TRMT11: variants seen among roughly 807,000 people sequenced by gnomAD.
TRMT11 encodes tRNA methyltransferase 11, also known as tRNA (guanine(10)-N(2))-methyltransferase TRMT11.
A neutral mutation model predicts 62.8 loss-of-function variants in TRMT11; 53 were observed. The observed-to-expected ratio is 0.84, with a 90% CI of 0.68 to 1.06. TRMT11 has a LOEUF of 1.06. Among genes scored for constraint, TRMT11 ranks in the 50% least tolerant of loss-of-function variants. The pLI is 0.00. For synonymous variants in TRMT11, 188 were observed against 190.3 expected, an observed-to-expected ratio of 0.99 and a Z score of 0.10; for missense variants, 556 against 553.4, an observed-to-expected ratio of 1.00 and a Z score of -0.05.
At chr6:126,255,458 C>G in the TRMT11 span, among the ~76,000 whole-genome samples, 1 of 152,132 alleles carries the variant, frequency 6.6e-6, no homozygotes, top group Non-Finnish European at 1.5e-5. Flanking sequence ...AGTCATCTGG[C>G]TTGGTATTTG....
chr6:126,124,718 A>C (rs1390163088), intron 21 of TRMT11, among the ~76,000 whole-genome samples: 1 of 152,108 alleles, frequency 6.6e-6, no homozygotes, highest in Non-Finnish European at 1.5e-5. Flanking sequence ...AGCCAAAGCC[A>C]GCCTAGATCA....
chr6:126,093,801 T>C (rs1430201210), intron 17 of TRMT11, among the ~76,000 whole-genome samples: 1 of 151,274 alleles, frequency 6.6e-6, no homozygotes, highest in East Asian at 1.9e-4. Context: ...GTATACACTC[T>C]AAAACTAGTA....
At chr6:126,242,946 A>C in the TRMT11 span, among the ~76,000 whole-genome samples, 1 of 152,226 alleles carries the variant, frequency 6.6e-6, no homozygotes, top group African/African-American at 2.4e-5. Flanking sequence ...GATCTAACTA[A>C]ACTAAAGAGC....
At chr6:126,084,859 C>T (rs1444677353) in intron 17 of TRMT11, among the ~76,000 whole-genome samples, 1 of 152,110 alleles carries the variant, frequency 6.6e-6, no homozygotes, top group Non-Finnish European at 1.5e-5. Context: ...ATTGCATGAT[C>T]TCTATGAGTC....
At chr6:126,112,479 T>TA (rs1777542663) in intron 17 of TRMT11, among the ~76,000 whole-genome samples, 2 of 152,262 alleles carry the variant, frequency 1.3e-5, no homozygotes, top group Non-Finnish European at 2.9e-5. Context: ...ATGGTAGAGA[T>TA]ATGAAGCTTC....
downstream of TRMT11, among the ~76,000 whole-genome samples, chr6:126,040,395 G>A (rs1775840300): frequency 6.6e-6 from 1 of 151,980 alleles, no homozygotes; most frequent in African/African-American, 2.4e-5. Flanking sequence ...ATGTCACTAG[G>A]CTCAGAGTAT....
the TRMT11 span, among the ~76,000 whole-genome samples, chr6:126,220,107 C>T: frequency 2.6e-5 from 4 of 152,138 alleles, no homozygotes; most frequent in African/African-American, 4.8e-5. Context: ...GAAGGGAAGA[C>T]GGATGATGGA....
intron 21 of TRMT11, among the ~76,000 whole-genome samples, chr6:126,148,921 A>C (rs183925758): frequency 6.6e-6 from 1 of 152,366 alleles, no homozygotes; most frequent in Non-Finnish European, 1.5e-5. Flanking sequence ...CCTCACCTGC[A>C]ACATGAGGAT....
rs149218244 is a variant in TRMT11 at position 126,165,134 on chromosome 6, T to C, written c.*1824-9691T>C. Among the ~76,000 whole-genome samples, 575 of 152,096 alleles carry C rather than the reference T, an allele frequency of 3.8e-3. 3 individuals carry two copies. The highest frequency in any genetic ancestry group is 0.013 in the African/African-American group (555 of 41,502). The stretch of plus-strand genomic sequence containing the variant: ...TCTACTAAAAATAAAGAAAATTAGC[T>C]GGGCGTAGTGGTGGGTGCCTATAAT... On this transcript the variant is annotated intron_variant and NMD_transcript_variant, in intron 21 of 22. Coordinates refer to the TRMT11 transcript ENST00000648977.
intron 21 of TRMT11, among the ~76,000 whole-genome samples, chr6:126,141,550 C>A (rs535369646): frequency 1.3e-5 from 2 of 152,074 alleles, no homozygotes; most frequent in African/African-American, 4.8e-5. Context: ...GTCCACCAAG[C>A]CTGGCAGGCC....
chr6:126,045,587 C>A (rs954858774), intron 16 of TRMT11, among the ~76,000 whole-genome samples: 3 of 152,116 alleles, frequency 2.0e-5, no homozygotes, highest in Non-Finnish European at 4.4e-5. Context: ...TGATAGTTAC[C>A]CAAATGGTTC....
chr6:126,165,618 C>T (rs1420325024), intron 21 of TRMT11, among the ~76,000 whole-genome samples: 2 of 152,204 alleles, frequency 1.3e-5, no homozygotes, highest in Non-Finnish European at 2.9e-5. Context: ...TCCCCACTCT[C>T]TTCTGGCTTC....
At chr6:126,070,480 C>T (rs1019969638) in intron 17 of TRMT11, among the ~76,000 whole-genome samples, 1 of 152,172 alleles carries the variant, frequency 6.6e-6, no homozygotes, top group Non-Finnish European at 1.5e-5. Context: ...ATCAGATGGA[C>T]TCATGAGATC....
At chr6:126,146,296 C>G (rs1271142550) in intron 21 of TRMT11, among the ~76,000 whole-genome samples, 1 of 152,162 alleles carries the variant, frequency 6.6e-6, no homozygotes, top group Non-Finnish European at 1.5e-5. Context: ...TTGCCTAGCT[C>G]TAATATGGAC....
chr6:126,207,609 T>C (rs1468112804), downstream of TRMT11, among the ~76,000 whole-genome samples: 1 of 152,204 alleles, frequency 6.6e-6, no homozygotes, highest in Non-Finnish European at 1.5e-5. Flanking sequence ...CCAATGCACA[T>C]TTCTTTAGAA....
chr6:126,246,368 C>T, the TRMT11 span, among the ~76,000 whole-genome samples: 2 of 152,162 alleles, frequency 1.3e-5, no homozygotes, highest in Non-Finnish European at 2.9e-5. Flanking sequence ...CCCTTCAGCT[C>T]TCACTAGTTA....
chr6:126,185,003 G>A (rs942292970), intron 1 of TRMT11, among the ~76,000 whole-genome samples: 11 of 152,148 alleles, frequency 7.2e-5, no homozygotes, highest in Non-Finnish European at 1.5e-4. Flanking sequence ...TATTAACACT[G>A]TGGGTCTTTG....
chr6:126,269,263 C>CAAAAAAAAA, the TRMT11 span, among the ~76,000 whole-genome samples: 15 of 68,856 alleles, frequency 2.2e-4, no homozygotes, highest in African/African-American at 1.0e-3. Flanking sequence ...GACTCCGTCT[C>CAAAAAAAAA]AAAAAAAAAA....
At chr6:126,267,372 CT>C in the TRMT11 span, among the ~76,000 whole-genome samples, 3 of 152,228 alleles carry the variant, frequency 2.0e-5, no homozygotes, top group South Asian at 6.2e-4. Context: ...TTACTACTGC[CT>C]GTAATTTTAG....
Sources: gnomAD v4.1 joint callset for allele counts (sites outside exome capture counted in the v4.1 genomes callset) on GRCh38, gnomAD v4.1.1 for gene constraint, MANE v1.5 for transcripts, NCBI Gene and HGNC (gene_info 2026-07-23, HGNC 2026-07-21) for gene names.